Variants in SLC9A9 observed in about 807,000 individuals in gnomAD.
SLC9A9 encodes the protein sodium/hydrogen exchanger 9.
Under a neutral mutation model 77.8 loss-of-function variants are expected in SLC9A9, and 62 were observed. That is an observed-to-expected ratio of 0.80 (90% CI 0.65 to 0.98). The LOEUF is 0.98. SLC9A9 is among the 50% of genes least tolerant of loss of function. The pLI is 0.00. For synonymous variants in SLC9A9, 320 were observed against 283.5 expected, an observed-to-expected ratio of 1.13 and a Z score of -1.29; for missense variants, 775 against 774.9, an observed-to-expected ratio of 1.00 and a Z score of 0.00.
chr3:143,747,436 G>A (rs1015667833), intron 4 of SLC9A9, among the ~76,000 whole-genome samples: 1 of 150,652 alleles, frequency 6.6e-6, no homozygotes, highest in African/African-American at 2.4e-5. Flanking sequence ...GAGGGACTTT[G>A]CAGATGTGAT....
At chr3:143,314,051 C>T (rs963460185) in intron 14 of SLC9A9, among the ~76,000 whole-genome samples, 6 of 152,186 alleles carry the variant, frequency 3.9e-5, no homozygotes, top group Non-Finnish European at 7.3e-5. Flanking sequence ...TGTGCCTGTG[C>T]CCACCTGCAT....
chr3:143,759,430 A>C (rs775815005), intron 4 of SLC9A9, among the ~76,000 whole-genome samples: 21 of 152,084 alleles, frequency 1.4e-4, no homozygotes, highest in Non-Finnish European at 2.6e-4. Context: ...TTTTGCTGAG[A>C]AACTGTCAAT....
rs776331142 is a variant in SLC9A9 at position 143,305,968 on chromosome 3, C to A, written c.1605-36988G>T. On this transcript the variant is annotated intron_variant, in intron 14 of 15. Coordinates refer to ENST00000316549, the MANE Select transcript of SLC9A9 (RefSeq NM_173653.4). ...ACAAAACGGTCTAACAATTTCCTTGCGGGATATTCTAATTGACAGTTTAAG... is the reference window on the plus strand; with the variant it reads ...ACAAAACGGTCTAACAATTTCCTTGAGGGATATTCTAATTGACAGTTTAAG... Among the ~76,000 whole-genome samples, 55 of 152,128 alleles carry A rather than the reference C, an allele frequency of 3.6e-4. 1 individual carries two copies. Among genetic ancestry groups the A allele is most frequent in the African/African-American group, 1.3e-3 (55 of 41,502 alleles).
intron 14 of SLC9A9, among the ~76,000 whole-genome samples, chr3:143,301,106 T>C (rs2030497637): frequency 6.6e-6 from 1 of 152,208 alleles, no homozygotes; most frequent in Admixed American, 6.5e-5. Context: ...TGTTTCCATA[T>C]TTTCTCATTT....
At chr3:143,466,078 C>T (rs1385579677) in intron 12 of SLC9A9, among the ~76,000 whole-genome samples, 4 of 152,124 alleles carry the variant, frequency 2.6e-5, no homozygotes, top group African/African-American at 9.7e-5. Flanking sequence ...GTATTCAATC[C>T]TACTATGTGC....
rs1270187442 is a variant in SLC9A9, at chr3:143,390,667, G to A, written c.1470-8553C>T. Among the ~76,000 whole-genome samples, 5 of 152,350 alleles carry A rather than the reference G, an allele frequency of 3.3e-5. No individual in the cohort carries two copies. The South Asian group carries it at 8.3e-4, about 25-fold the overall frequency. ...CAGGGCGAGGCGTCGCCTCACCCGG[G>A]AAGTGCAAGGGGTCAGAGAATTCCA... On this transcript the variant is annotated intron_variant, in intron 12 of 15. Coordinates refer to ENST00000316549, the MANE Select transcript of SLC9A9 (RefSeq NM_173653.4).
At chr3:143,479,547 C>T (rs2035539396) in intron 11 of SLC9A9, among the ~76,000 whole-genome samples, 1 of 152,210 alleles carries the variant, frequency 6.6e-6, no homozygotes, top group South Asian at 2.1e-4. Context: ...GCCAACATGC[C>T]AGGCTTGAGT....
At chr3:143,297,507 T>C (rs1370884267) in intron 14 of SLC9A9, among the ~76,000 whole-genome samples, 1 of 152,244 alleles carries the variant, frequency 6.6e-6, no homozygotes, top group Non-Finnish European at 1.5e-5. Flanking sequence ...CAGATAGCTT[T>C]GGCTATTCTT....
At chr3:143,432,239 T>C (rs760628285) in intron 12 of SLC9A9, among the ~76,000 whole-genome samples, 1 of 152,212 alleles carries the variant, frequency 6.6e-6, no homozygotes, top group Non-Finnish European at 1.5e-5. Flanking sequence ...TGTGAATAAA[T>C]TGATTTGTAT....
At chr3:143,501,189 T>C (rs1246022563) in intron 9 of SLC9A9, among the ~76,000 whole-genome samples, 1 of 150,716 alleles carries the variant, frequency 6.6e-6, no homozygotes, top group East Asian at 1.9e-4. Context: ...AATAGTTAAA[T>C]AAATTATAGT....
intron 6 of SLC9A9, among the ~76,000 whole-genome samples, chr3:143,596,201 G>GA (rs1441471446): frequency 2.6e-5 from 4 of 152,178 alleles, no homozygotes; most frequent in South Asian, 4.1e-4. Context: ...CATAGCTAAA[G>GA]AAAAAAATTT....
intron 1 of SLC9A9, among the ~76,000 whole-genome samples, chr3:143,845,171 C>G (rs1559825037): frequency 6.6e-6 from 1 of 152,160 alleles, no homozygotes; most frequent in Non-Finnish European, 1.5e-5. Flanking sequence ...AATCCCACCT[C>G]AACAGCTAAC....
chr3:143,748,907 G>GCA (rs1935268303), intron 4 of SLC9A9, among the ~76,000 whole-genome samples: 1 of 151,350 alleles, frequency 6.6e-6, no homozygotes, highest in Non-Finnish European at 1.5e-5. Flanking sequence ...GTTTCACCTT[G>GCA]TTAGCCAGGA....
At chr3:143,613,044 T>C (rs1015585300) in intron 6 of SLC9A9, among the ~76,000 whole-genome samples, 2 of 152,216 alleles carry the variant, frequency 1.3e-5, no homozygotes, top group Non-Finnish European at 2.9e-5. Context: ...ACATACTGCT[T>C]GTATTTTCTT....
intron 11 of SLC9A9, among the ~76,000 whole-genome samples, chr3:143,486,790 A>C (rs576415791): frequency 4.6e-5 from 7 of 152,192 alleles, no homozygotes; most frequent in Admixed American, 3.9e-4. Flanking sequence ...ATATATACAA[A>C]AGAAAGGAAT....
intron 13 of SLC9A9, among the ~76,000 whole-genome samples, chr3:143,378,443 T>C (rs1576458457): frequency 6.6e-6 from 1 of 152,200 alleles, no homozygotes; most frequent in African/African-American, 2.4e-5. Flanking sequence ...CTCAGGGTTA[T>C]CTTGGAAATT....
intron 5 of SLC9A9, among the ~76,000 whole-genome samples, chr3:143,662,718 G>C (rs1003982668): frequency 1.3e-5 from 2 of 152,116 alleles, no homozygotes; most frequent in African/African-American, 4.8e-5. Flanking sequence ...AGCAGTCCGA[G>C]ATGAAATTGC....
intron 2 of SLC9A9, among the ~76,000 whole-genome samples, chr3:143,814,683 A>G (rs997680239): frequency 6.6e-6 from 1 of 152,224 alleles, no homozygotes; most frequent in Non-Finnish European, 1.5e-5. Flanking sequence ...GAAATTCAAT[A>G]AACAGAAAGA....
At chr3:143,385,784 G>A (rs1396128636) in intron 12 of SLC9A9, among the ~76,000 whole-genome samples, 1 of 152,090 alleles carries the variant, frequency 6.6e-6, no homozygotes, top group East Asian at 1.9e-4. Flanking sequence ...GACATCCAAG[G>A]GTCTTTAGCA....
Sources: allele counts gnomAD v4.1 joint callset (sites outside exome capture counted in the v4.1 genomes callset), GRCh38; gene constraint gnomAD v4.1.1; transcripts MANE v1.5; gene names NCBI Gene and HGNC (gene_info 2026-07-23, HGNC 2026-07-21).